The following F13B variants were observed in gnomAD, a reference collection of about 807,000 sequenced individuals.
The protein encoded by F13B is coagulation factor XIII B chain, also known as TGase.
A neutral mutation model predicts 79.8 loss-of-function variants in F13B; 58 were observed. That is an observed-to-expected ratio of 0.73 (90% CI 0.59 to 0.90). F13B has a LOEUF of 0.90. Ranked by LOEUF, F13B falls within the 40% of genes least tolerant of loss-of-function variation. The pLI is 0.00. For missense variants in F13B, 773 were observed against 777.0 expected, an observed-to-expected ratio of 0.99 and a Z score of 0.06; for synonymous variants, 283 against 260.3, an observed-to-expected ratio of 1.09 and a Z score of -0.84.
At chr1:197,044,940 A>G (rs1425212150) in intron 10 of F13B, among the ~76,000 whole-genome samples, 1 of 152,142 alleles carries the variant, frequency 6.6e-6, no homozygotes, top group African/African-American at 2.4e-5. Context: ...GGCAGAAATA[A>G]AGATGTTCTT....
intron 10 of F13B, among the ~76,000 whole-genome samples, chr1:197,044,035 A>G (rs1315452598): frequency 4.0e-5 from 6 of 151,544 alleles, no homozygotes. Context: ...CCATCTTGGA[A>G]CTAACTCATA....
intron 10 of F13B, among the ~76,000 whole-genome samples, chr1:197,046,471 C>G (rs539716713): frequency 6.6e-6 from 1 of 152,198 alleles, no homozygotes; most frequent in Non-Finnish European, 1.5e-5. Context: ...TGTGAAGGAC[C>G]TCTTCAAGAA....
intron 11 of F13B, among the ~76,000 whole-genome samples, chr1:197,039,779 C>T (rs935662446): frequency 1.3e-5 from 2 of 151,868 alleles, no homozygotes; most frequent in African/African-American, 4.8e-5. Context: ...TATTTTTTTA[C>T]TAGAGTGGTC....
Position 197,057,006 on chromosome 1 carries a change from T to C in F13B, c.1171+7A>G. ...TTAGCTACTGATGGTAAATGTAGCA[T>C]ACATACCAACACACTCAGGAGGAAG... On this transcript the variant is annotated splice_region_variant and intron_variant, in intron 7 of 11. Coordinates refer to ENST00000367412, the MANE Select transcript of F13B (RefSeq NM_001994.3). The C allele has an allele frequency of 6.2e-7, 1 of 1,613,050 alleles. No individual in the cohort carries two copies. The highest frequency in any genetic ancestry group is 8.5e-7 in the Non-Finnish European group (1 of 1,179,584).
chr1:197,062,750 T>A (rs1655908064), intron 2 of F13B, 107 bp downstream of exon 2: 4 of 1,003,678 alleles, frequency 4.0e-6, no homozygotes, highest in South Asian at 1.3e-5. Flanking sequence ...GATTTTGTTC[T>A]TATCTACTAA....
chr1:197,061,921 T>C lies in F13B; in HGVS notation c.314A>G (p.Lys105Arg). ...GTTCTCTTGAATTTTATACAATAAC[T>C]TTACATCAGAGATGTAACCATTACT... The part of the protein sequence containing the change: ...DLSNGYISDV[K>R]LLYKIQENMR... The change falls in exon 3 of 12, where the codon AAG becomes AGG. Residue 105 changes from lysine to arginine, a missense_variant. Physicochemically the swap from Lys to Arg is conservative, Grantham distance 26 (BLOSUM62 2). Coordinates refer to ENST00000367412, the MANE Select transcript of F13B (RefSeq NM_001994.3). The C allele has an allele frequency of 6.2e-7, 1 of 1,612,904 alleles. No individual in the cohort carries two copies. The highest frequency in any genetic ancestry group is 1.7e-5 in the Admixed American group (1 of 59,844).
intron 10 of F13B, among the ~76,000 whole-genome samples, chr1:197,043,332 T>C (rs1045360485): frequency 1.3e-5 from 2 of 152,202 alleles, no homozygotes; most frequent in African/African-American, 2.4e-5. Flanking sequence ...CAACTGCCTC[T>C]ACACTAATCA....
intron 1 of F13B, among the ~76,000 whole-genome samples, chr1:197,065,456 G>A (rs1210131260): frequency 1.3e-5 from 2 of 152,146 alleles, no homozygotes; most frequent in Non-Finnish European, 2.9e-5. Context: ...CTACTGATCA[G>A]AGAATGGTAA....
chr1:197,057,298 G>C lies in F13B; in HGVS notation c.973C>G (p.Pro325Ala). The change falls in exon 6 of 12, where the codon CCA becomes GCA. Residue 325 changes from proline (P) to alanine (A), a missense_variant. Coordinates refer to ENST00000367412, the MANE Select transcript of F13B (RefSeq NM_001994.3). Reference protein sequence around the residue: ...RCEDGKWTEPPKCIEGQEKVA... With the variant: ...RCEDGKWTEPAKCIEGQEKVA... ...AGGTGTTACTAACCAATGCATTTTG[G>C]AGGTTCTGTCCATTTTCCATCTTCA... 6.2e-7 allele frequency: 1 copy of C among 1,613,816 alleles called. No homozygotes were observed. The highest frequency in any genetic ancestry group is 8.5e-7 in the Non-Finnish European group (1 of 1,179,872).
In F13B at chr1:197,058,033, C is replaced by T. The variant is rs186842478; in HGVS notation, c.806-568G>A. 9.2e-5 allele frequency among the ~76,000 whole-genome samples: 14 copies of T among 152,186 alleles called. No homozygotes were observed. In the Middle Eastern group the frequency reaches 0.014, roughly 148 times the overall value. On this transcript the variant is annotated intron_variant, in intron 5 of 11. Coordinates refer to ENST00000367412, the MANE Select transcript of F13B (RefSeq NM_001994.3). ...CATCGATGCAAGGAGTCGGTTAAGC[C>T]GCACCCAGACCCCCAACCTACACCC...
intron 10 of F13B, among the ~76,000 whole-genome samples, chr1:197,043,619 CTG>C (rs1655120588): frequency 1.3e-5 from 2 of 152,022 alleles, no homozygotes; most frequent in African/African-American, 4.8e-5. Flanking sequence ...AAGATGATAA[CTG>C]AAATTGAGAA....
At chr1:197,058,555 C>G (rs1299303381) in intron 5 of F13B, among the ~76,000 whole-genome samples, 1 of 152,138 alleles carries the variant, frequency 6.6e-6, no homozygotes, top group Non-Finnish European at 1.5e-5. Context: ...ACCCCTTCCT[C>G]AAAACATTTC....
At position 197,064,045 on chromosome 1, in the gene F13B, T is replaced by C. The variant is rs74919449; in HGVS notation, c.65-988A>G. On this transcript the variant is annotated intron_variant, in intron 1 of 11. Coordinates refer to ENST00000367412, the MANE Select transcript of F13B (RefSeq NM_001994.3). ...TTGGCAAAATAGGATATTTAAATGG[T>C]TAGAGACCTGGTACTTAGCATTACT... Among the ~76,000 whole-genome samples, 24 of 152,248 alleles carry C rather than the reference T, an allele frequency of 1.6e-4. No individual in the cohort carries two copies. The East Asian group carries it at 4.4e-3, about 28-fold the overall frequency.
In F13B at chr1:197,039,327, A is replaced by G. The variant is rs1258648213; in HGVS notation, c.*51T>C. The G allele has an allele frequency of 6.9e-7, 1 of 1,439,742 alleles. No individual in the cohort carries two copies. Among genetic ancestry groups the G allele is most frequent in the Non-Finnish European group, 9.7e-7 (1 of 1,029,348 alleles). 89.2% of individuals were successfully genotyped at this position (1,439,742 alleles called of 1,614,324 possible). A position where few individuals can be genotyped will look rare whatever the true frequency, so the allele number is the denominator to read the frequency against. On this transcript the variant is annotated 3_prime_UTR_variant, in exon 12 of 12. Coordinates refer to ENST00000367412, the MANE Select transcript of F13B (RefSeq NM_001994.3). The stretch of plus-strand genomic sequence containing the variant: ...TTATTTCCTCAAAATTATATTTTAT[A>G]AGGAATTTCATGATGTATTGAAATA...
At chr1:197,044,462 T>C (rs1324303333) in intron 10 of F13B, among the ~76,000 whole-genome samples, 2 of 152,036 alleles carry the variant, frequency 1.3e-5, no homozygotes, top group African/African-American at 2.4e-5. Context: ...AACTAACTAT[T>C]CTAAATATAT....
intron 10 of F13B, among the ~76,000 whole-genome samples, chr1:197,041,698 T>C (rs542965696): frequency 1.6e-4 from 24 of 152,314 alleles, no homozygotes; most frequent in Admixed American, 1.2e-3. Context: ...TGTCATTCTT[T>C]TGGAACATGT....
intron 9 of F13B, among the ~76,000 whole-genome samples, chr1:197,051,259 G>A (rs1655429781): frequency 2.0e-5 from 3 of 152,174 alleles, no homozygotes; most frequent in South Asian, 4.2e-4. Context: ...TATTGAAGAT[G>A]TTTTTGCAAT....
At chr1:197,047,986 GT>G (rs1655296343) in intron 10 of F13B, among the ~76,000 whole-genome samples, 1 of 152,042 alleles carries the variant, frequency 6.6e-6, no homozygotes, top group Non-Finnish European at 1.5e-5. Context: ...ACCAGGGCCT[GT>G]CTGTGGGGGT....
In F13B at chr1:197,060,426, C is replaced by A. The variant is rs2125071276; in HGVS notation, c.745G>T (p.Gly249Ter). 1 of 1,611,812 alleles carries A rather than the reference C, an allele frequency of 6.2e-7. No individual in the cohort carries two copies. Among genetic ancestry groups the A allele is most frequent in the Non-Finnish European group, 8.5e-7 (1 of 1,178,456 alleles). Reference protein sequence around the residue: ...FFCHENYYLSGSDLIQCYNFG... With the variant: ...FFCHENYYLS ...TTATAGCATTGAATTAAATCAGATCCACTTAGATAATAATTTTCATGACAG... is the reference window on the plus strand; with the variant it reads ...TTATAGCATTGAATTAAATCAGATCAACTTAGATAATAATTTTCATGACAG... Residue 249 changes from glycine to a stop codon, truncating the protein, a stop_gained, in exon 5 of 12, where the codon GGA becomes TGA. Transcript: ENST00000367412. LOFTEE classifies it high-confidence loss of function.
Sources: gnomAD v4.1 joint callset for allele counts (sites outside exome capture counted in the v4.1 genomes callset) on GRCh38, gnomAD v4.1.1 for gene constraint, MANE v1.5 for transcripts, NCBI Gene and HGNC (gene_info 2026-07-23, HGNC 2026-07-21) for gene names.